The following METAP1D variants were observed in gnomAD, a reference collection of about 807,000 sequenced individuals.
METAP1D encodes the protein methionyl aminopeptidase type 1D, mitochondrial, also known as methionine aminopeptidase 1D, mitochondrial.
A neutral mutation model predicts 40.5 loss-of-function variants in METAP1D; 31 were observed. The ratio of observed to expected loss-of-function variants is 0.77; its 90% CI spans 0.58 to 1.03. METAP1D has a LOEUF of 1.03. Among genes scored for constraint, METAP1D ranks in the 50% least tolerant of loss-of-function variants. The probability of loss-of-function intolerance (pLI) is 0.00; values close to 1 mark genes in which losing one functional copy is unlikely to be tolerated. For synonymous variants in METAP1D, 151 were observed against 146.4 expected (o/e 1.03, Z -0.22); for missense variants, 411 against 420.7 (o/e 0.98, Z 0.20).
At chr2:172,007,157 G>A (rs1393816686) in intron 1 of METAP1D, among the ~76,000 whole-genome samples, 1 of 126,700 alleles carries the variant, frequency 7.9e-6, no homozygotes, top group Non-Finnish European at 1.7e-5. Context: ...TGCTTCCCAT[G>A]TCATGTAATT....
rs34000564 is a variant in METAP1D, at chr2:172,047,439, C to CT, written c.41-14047dup. 1.3e-3 allele frequency among the ~76,000 whole-genome samples: 185 copies of CT among 147,670 alleles called. 2 individuals are homozygous for CT. Among genetic ancestry groups the CT allele is most frequent in the African/African-American group, 3.2e-3 (127 of 40,190 alleles). On this transcript the variant is annotated intron_variant, in intron 1 of 9. Transcript: ENST00000315796. ...GTAACAGAATAAAAAAGGCTGAATT[C>CT]TTTTTTTTTTTTGAGACAGGGTCTC... is the stretch of plus-strand genomic sequence containing the variant.
chr2:172,043,033 A>G lies in METAP1D; in HGVS notation c.41-18465A>G, dbSNP rs80301786. ...TGTATGTGTACACATATATGTGTAT[A>G]TGTGTACACGTGTACACATATATGT... is the stretch of plus-strand genomic sequence containing the variant. On this transcript the variant is annotated intron_variant, in intron 1 of 9. Coordinates refer to ENST00000315796, the MANE Select transcript of METAP1D (RefSeq NM_199227.3). Among the ~76,000 whole-genome samples the G allele has an allele frequency of 1.2e-4, 9 of 77,250 alleles. 1 individual carries two copies. The highest frequency in any genetic ancestry group is 0.019 in the Middle Eastern group (2 of 106). 50.7% of individuals were successfully genotyped at this position (77,250 alleles called of 152,430 possible).
chr2:172,077,788 CT>C lies in METAP1D; in HGVS notation c.705-5del. On this transcript the variant is annotated splice_polypyrimidine_tract_variant and splice_region_variant and intron_variant, in intron 6 of 9. Coordinates refer to ENST00000315796, the MANE Select transcript of METAP1D (RefSeq NM_199227.3). ...AATTTAATTAAATATTTTTTGGTCA[CT>C]TTTAAAGCCACATAACTCATCAGAA... is the stretch of plus-strand genomic sequence containing the variant. 1 of 1,527,832 alleles carries C rather than the reference CT, an allele frequency of 6.5e-7. No homozygotes were observed. Among genetic ancestry groups the C allele is most frequent in the Non-Finnish European group, 8.9e-7 (1 of 1,117,848 alleles). 94.6% of individuals were successfully genotyped at this position (1,527,832 alleles called of 1,614,324 possible). A position where few individuals can be genotyped will look rare whatever the true frequency, so the allele number is the denominator to read the frequency against.
intron 1 of METAP1D, among the ~76,000 whole-genome samples, chr2:172,045,693 A>C (rs1170384653): frequency 2.8e-5 from 2 of 71,938 alleles, no homozygotes; most frequent in African/African-American, 9.7e-5. Context: ...AGGATCATTC[A>C]TATATATGTG....
chr2:172,022,484 A>T (rs1330446644), intron 1 of METAP1D, among the ~76,000 whole-genome samples: 5 of 152,202 alleles, frequency 3.3e-5, no homozygotes, highest in South Asian at 2.1e-4. Context: ...AAAGAATGAC[A>T]GCAGTTATTA....
intron 1 of METAP1D, among the ~76,000 whole-genome samples, chr2:172,050,702 T>G (rs1689867715): frequency 6.6e-6 from 1 of 152,186 alleles, no homozygotes; most frequent in South Asian, 2.1e-4. Flanking sequence ...AATTCTTTCC[T>G]ATAACTTTGA....
At position 172,044,342 on chromosome 2, in the gene METAP1D, C is replaced by T. The variant is rs560426207; in HGVS notation, c.41-17156C>T. On this transcript the variant is annotated intron_variant, in intron 1 of 9. Transcript: ENST00000315796. Reference sequence around the variant, plus strand: ...TTGGGAGGCCGAGGCAGGTGGATCACGAGGTCATGAGATCAAGACCATCCT... The same window carrying T: ...TTGGGAGGCCGAGGCAGGTGGATCATGAGGTCATGAGATCAAGACCATCCT... 1.1e-4 allele frequency among the ~76,000 whole-genome samples: 13 copies of T among 118,746 alleles called. 3 individuals carry two copies. The highest frequency in any genetic ancestry group is 5.7e-4 in the South Asian group (2 of 3,528). The allele number at this position is 118,746 out of a possible 152,430, so 77.9% of individuals were successfully genotyped here.
chr2:172,071,221 C>T (rs1424597428), intron 6 of METAP1D, 151 bp downstream of exon 6: 2 of 587,258 alleles, frequency 3.4e-6, no homozygotes, highest in African/African-American at 1.9e-5. Context: ...CAATATTGTT[C>T]CCTGAGTTGA....
intron 1 of METAP1D, among the ~76,000 whole-genome samples, chr2:172,035,523 T>G (rs941868908): frequency 4.6e-5 from 7 of 152,164 alleles, no homozygotes; most frequent in Non-Finnish European, 1.0e-4. Flanking sequence ...AACCTCTGCA[T>G]GCTTCTTCCC....
chr2:172,058,681 T>A (rs977103098), intron 1 of METAP1D, among the ~76,000 whole-genome samples: 1 of 152,168 alleles, frequency 6.6e-6, no homozygotes, highest in African/African-American at 2.4e-5. Context: ...GTACCTGAGT[T>A]TTGTAACTTC....
chr2:172,001,894 C>T (rs1048323827), intron 1 of METAP1D, among the ~76,000 whole-genome samples: 1 of 152,010 alleles, frequency 6.6e-6, no homozygotes, highest in Non-Finnish European at 1.5e-5. Flanking sequence ...GCCAGGAGTT[C>T]AAGACCAGCC....
At chr2:172,049,861 C>T (rs936607040) in intron 1 of METAP1D, among the ~76,000 whole-genome samples, 6 of 152,112 alleles carry the variant, frequency 3.9e-5, no homozygotes, top group Non-Finnish European at 5.9e-5. Context: ...ATCTACCTAC[C>T]GATTTACCAC....
intron 6 of METAP1D, among the ~76,000 whole-genome samples, chr2:172,072,175 A>G (rs1269065501): frequency 6.6e-6 from 1 of 152,194 alleles, no homozygotes; most frequent in Admixed American, 6.5e-5. Flanking sequence ...GGGAAAAGAA[A>G]TTTAATGCAT....
chr2:172,034,223 A>G (rs952331851), intron 1 of METAP1D, among the ~76,000 whole-genome samples: 10 of 152,164 alleles, frequency 6.6e-5, no homozygotes, highest in Admixed American at 2.0e-4. Flanking sequence ...TTGGCCATCT[A>G]TTGGCCATTG....
intron 2 of METAP1D, 53 bp from the exon 3 acceptor site, chr2:172,063,658 C>G (rs1322016785): frequency 5.9e-6 from 8 of 1,364,482 alleles, no homozygotes; most frequent in Non-Finnish European, 8.3e-6. Context: ...AAAAAATGAT[C>G]CCATTGTCGT....
chr2:172,018,737 T>TC (rs1229244394), intron 1 of METAP1D, among the ~76,000 whole-genome samples: 12 of 146,874 alleles, frequency 8.2e-5, no homozygotes, highest in Non-Finnish European at 1.2e-4. Flanking sequence ...ACACCCCCCA[T>TC]CCCCCCCTCA....
intron 6 of METAP1D, 134 bp from the exon 7 acceptor site, chr2:172,077,663 G>T (rs756492103): frequency 9.4e-6 from 5 of 532,178 alleles, no homozygotes; most frequent in Non-Finnish European, 1.7e-5. Context: ...GAAAACACAT[G>T]AATGTTATTA....
intron 1 of METAP1D, among the ~76,000 whole-genome samples, chr2:172,042,337 G>A (rs1275336164): frequency 1.3e-4 from 1 of 7,974 alleles, no homozygotes; most frequent in African/African-American, 3.2e-4. Flanking sequence ...GTGTACATGT[G>A]TACATATATA....
chr2:172,011,485 T>C (rs988752211), intron 1 of METAP1D, among the ~76,000 whole-genome samples: 41 of 151,912 alleles, frequency 2.7e-4, no homozygotes, highest in Admixed American at 2.6e-4. Context: ...AGGGTTTCAC[T>C]GTGTTAGCCA....
Sources: gnomAD v4.1 joint callset for allele counts (sites outside exome capture counted in the v4.1 genomes callset) on GRCh38, gnomAD v4.1.1 for gene constraint, MANE v1.5 for transcripts, NCBI Gene and HGNC (gene_info 2026-07-23, HGNC 2026-07-21) for gene names.